AHNAK: variants seen among roughly 807,000 people sequenced by gnomAD.
The protein encoded by AHNAK is AHNAK nucleoprotein.
In AHNAK, 23 loss-of-function variants were observed where a neutral mutation model predicts 37.8. The ratio of observed to expected loss-of-function variants is 0.61; its 90% CI spans 0.44 to 0.86. AHNAK has a LOEUF of 0.86. Ranked by LOEUF, AHNAK falls within the 40% of genes least tolerant of loss-of-function variation. The pLI is 0.00. For missense variants in AHNAK, 7,411 were observed against 7,319.4 expected (o/e 1.01, Z -0.46); for synonymous variants, 2,481 against 2,636.3 (o/e 0.94, Z 1.80).
Position 62,521,972 on chromosome 11 carries a change from C to A in AHNAK, c.12445G>T (p.Val4149Phe). ...KGPKMKGDVDVSLPKVEGDLK... is the reference protein window; with the variant it reads ...KGPKMKGDVDFSLPKVEGDLK... ...TCGCCTTCCACTTTGGGCAGAGAAA[C>A]GTCCACGTCGCCCTTCATCTTTGGA... Residue 4149 changes from valine to phenylalanine, a missense_variant, in exon 5 of 5, where the codon GTT (valine) becomes TTT (phenylalanine). By Grantham distance (50) the Val-to-Phe change is conservative. Transcript: ENST00000378024. 1 of 1,613,198 alleles carries A rather than the reference C, an allele frequency of 6.2e-7. No individual in the cohort carries two copies. The highest frequency in any genetic ancestry group is 8.5e-7 in the Non-Finnish European group (1 of 1,179,880).
In AHNAK at chr11:62,526,627, A is replaced by G. The variant is rs1182626911; in HGVS notation, c.7790T>C (p.Val2597Ala). The G allele has an allele frequency of 6.2e-7, 1 of 1,613,484 alleles. No homozygotes were observed. The highest frequency in any genetic ancestry group is 8.5e-7 in the Non-Finnish European group (1 of 1,179,930). ...TTCCACTTTGGGCAGAGAAACATCC[A>G]CATCGCCCTTCACCTTGGGACCTTT... Reference protein sequence around the residue: ...HLKGPKVKGDVDVSLPKVEGD... With the variant: ...HLKGPKVKGDADVSLPKVEGD... The change falls in exon 5 of 5, where the codon GTG (valine) becomes GCG (alanine). Residue 2597 changes from valine (V) to alanine (A), a missense_variant. By Grantham distance (64) the Val-to-Ala change is moderately conservative. Coordinates refer to ENST00000378024, the MANE Select transcript of AHNAK (RefSeq NM_001620.3).
At chr11:62,469,001 T>C (rs1214420926) in intron 5 of AHNAK, among the ~76,000 whole-genome samples, 1 of 152,214 alleles carries the variant, frequency 6.6e-6, no homozygotes. Context: ...GTTTGTTCTT[T>C]TTTGTGTATA....
At chr11:62,487,468 A>T (rs1939415913) in intron 5 of AHNAK, among the ~76,000 whole-genome samples, 1 of 152,082 alleles carries the variant, frequency 6.6e-6, no homozygotes, top group African/African-American at 2.4e-5. Flanking sequence ...ACTCTCCAGC[A>T]CCTCACCCCT....
intron 4 of AHNAK, among the ~76,000 whole-genome samples, chr11:62,501,698 C>T (rs190791122): frequency 2.8e-4 from 43 of 152,380 alleles, no homozygotes; most frequent in African/African-American, 7.9e-4. Context: ...CAATATATCA[C>T]AGCCAAGTGC....
chr11:62,517,077 T>G lies in AHNAK; in HGVS notation c.17340A>C (p.Ser5780=), dbSNP rs760723771. 2.5e-6 allele frequency: 4 copies of G among 1,614,166 alleles called. No homozygotes were observed. The South Asian group carries it at 4.4e-5, about 18-fold the overall frequency. The change falls in exon 5 of 5, where the codon TCA becomes TCC. Residue 5780 remains serine (S), a synonymous_variant. Transcript: ENST00000378024. ...ACTCTCTTTCATCACTGAATGAATT[T>G]GAGCGGTGCCGTGGCTTCTTACTTT... ...LFKSKKPRHR[S]NSFSDEREFS...
At chr11:62,488,163 A>G (rs1016221069) in intron 5 of AHNAK, among the ~76,000 whole-genome samples, 4 of 152,218 alleles carry the variant, frequency 2.6e-5, no homozygotes, top group African/African-American at 9.6e-5. Context: ...ATAAACGTTC[A>G]TTGAATGAAC....
In AHNAK at chr11:62,518,174, T is replaced by G. The variant is rs11231126; in HGVS notation, c.16243A>C (p.Thr5415Pro). 3 of 1,613,838 alleles carry G rather than the reference T, an allele frequency of 1.9e-6. No homozygotes were observed. The Admixed American group carries it at 5.0e-5, about 27-fold the overall frequency. Residue 5415 changes from threonine (T) to proline (P), a missense_variant, in exon 5 of 5, where the codon ACT (threonine) becomes CCT (proline). Physicochemically the swap from Thr to Pro is conservative, Grantham distance 38. Transcript: ENST00000378024. Reference protein sequence around the residue: ...KMKLPQFGISTPGSDLHVNAK... With the variant: ...KMKLPQFGISPPGSDLHVNAK... ...TTGACGTGCAAGTCGGACCCCGGAG[T>G]AGAGATGCCAAATTGGGGCAGCTTC...
At chr11:62,457,354 A>T (rs1015110340) in intron 5 of AHNAK, among the ~76,000 whole-genome samples, 1 of 152,022 alleles carries the variant, frequency 6.6e-6, no homozygotes, top group Non-Finnish European at 1.5e-5. Context: ...AGGCTGAGGC[A>T]GGAGAATCGC....
intron 5 of AHNAK, among the ~76,000 whole-genome samples, chr11:62,470,779 C>T (rs1290023687): frequency 1.3e-5 from 2 of 152,000 alleles, no homozygotes; most frequent in East Asian, 1.9e-4. Flanking sequence ...TCCCACCAAC[C>T]TCCATCTGTC....
intron 4 of AHNAK, among the ~76,000 whole-genome samples, chr11:62,504,986 A>G (rs1355341131): frequency 6.6e-6 from 1 of 152,194 alleles, no homozygotes; most frequent in Admixed American, 6.5e-5. Context: ...TTCAAAAGCA[A>G]TAACATATAT....
chr11:62,460,194 C>G (rs1171291432), intron 5 of AHNAK, among the ~76,000 whole-genome samples: 1 of 151,318 alleles, frequency 6.6e-6, no homozygotes, highest in Admixed American at 6.6e-5. Context: ...GGCTGAGGCA[C>G]GAGACTCGCT....
Position 62,524,162 on chromosome 11 carries a change from C to G in AHNAK, c.10255G>C (p.Asp3419His). 2 of 1,614,130 alleles carry G rather than the reference C, an allele frequency of 1.2e-6. No homozygotes were observed. The highest frequency in any genetic ancestry group is 2.2e-5 in the South Asian group (2 of 91,062). The stretch of plus-strand genomic sequence containing the variant: ...GGACTTTTCAAATTTAGCTCCACGT[C>G]AGGCATAGAAACTTTGGGAGATGAA... ...SISSPKVSMP[D>H]VELNLKSPKV... The change falls in exon 5 of 5, where the codon GAC becomes CAC. Residue 3419 changes from aspartate (D) to histidine (H), a missense_variant. Physicochemically the swap from Asp to His is moderately conservative, Grantham distance 81. Transcript: ENST00000378024.
At chr11:62,511,349 T>G (rs1211396018), downstream of AHNAK, among the ~76,000 whole-genome samples, 1 of 151,936 alleles carries the variant, frequency 6.6e-6, no homozygotes, top group Non-Finnish European at 1.5e-5. Flanking sequence ...GTCTCCCAGG[T>G]TCAAATGATT....
intron 5 of AHNAK, among the ~76,000 whole-genome samples, chr11:62,454,069 T>A (rs1938598243): frequency 6.8e-6 from 1 of 147,714 alleles, no homozygotes; most frequent in Non-Finnish European, 1.5e-5. Context: ...ATGGCGCCAC[T>A]GCACTGCAGC....
intron 4 of AHNAK, among the ~76,000 whole-genome samples, chr11:62,534,496 G>A (rs1369437109): frequency 1.3e-5 from 2 of 152,168 alleles, no homozygotes; most frequent in South Asian, 2.1e-4. Flanking sequence ...GAAAGCACTC[G>A]TTGAGCCTAA....
intron 4 of AHNAK, among the ~76,000 whole-genome samples, chr11:62,502,528 G>T (rs1237250629): frequency 6.6e-6 from 1 of 152,176 alleles, no homozygotes; most frequent in Non-Finnish European, 1.5e-5. Context: ...TCTGCCACGT[G>T]CCATGTGCCT....
intron 5 of AHNAK, among the ~76,000 whole-genome samples, chr11:62,438,269 G>C (rs1456959384): frequency 2.9e-5 from 4 of 136,640 alleles, no homozygotes; most frequent in Non-Finnish European, 4.6e-5. Flanking sequence ...CTGCAACTCT[G>C]CCTCCCGGGT....
At chr11:62,495,372 C>A (rs1258808153) in intron 4 of AHNAK, among the ~76,000 whole-genome samples, 1 of 152,134 alleles carries the variant, frequency 6.6e-6, no homozygotes. Context: ...ATGGCTTTCA[C>A]CTAAACATGT....
rs146033224 is a variant in AHNAK at position 62,451,027 on chromosome 11, G to A, written c.443-17136C>T. Among the ~76,000 whole-genome samples, 211 of 143,232 alleles carry A rather than the reference G, an allele frequency of 1.5e-3. 3 individuals carry two copies. The highest frequency in any genetic ancestry group is 4.8e-3 in the African/African-American group (196 of 40,672). 94.0% of individuals were successfully genotyped at this position (143,232 alleles called of 152,430 possible). A position where few individuals can be genotyped will look rare whatever the true frequency, so the allele number is the denominator to read the frequency against. On this transcript the variant is annotated intron_variant, in intron 5 of 5. Transcript: ENST00000257247. ...CCCATCTTTGGTACATGGAGATGATGTCACTGACCCAAAGCTAGGCAGGGG... is the reference window on the plus strand; with the variant it reads ...CCCATCTTTGGTACATGGAGATGATATCACTGACCCAAAGCTAGGCAGGGG...
Sources: allele counts gnomAD v4.1 joint callset (sites outside exome capture counted in the v4.1 genomes callset), GRCh38; gene constraint gnomAD v4.1.1; transcripts MANE v1.5; gene names NCBI Gene and HGNC (gene_info 2026-07-23, HGNC 2026-07-21).